The following KDM4C variants were observed in gnomAD, a reference collection of about 807,000 sequenced individuals.
KDM4C encodes lysine demethylase 4C.
A neutral mutation model predicts 129.3 loss-of-function variants in KDM4C; 81 were observed. The ratio of observed to expected loss-of-function variants is 0.63; its 90% CI spans 0.52 to 0.75. The LOEUF (loss-of-function observed/expected upper bound fraction) is 0.75. KDM4C is among the 30% of genes least tolerant of loss of function. The pLI is 0.00. For missense variants in KDM4C, 1,457 were observed against 1,304.0 expected, an observed-to-expected ratio of 1.12 and a Z score of -1.81; for synonymous variants, 573 against 456.1, an observed-to-expected ratio of 1.26 and a Z score of -3.26.
At chr9:6,992,312 T>A (rs1818900542) in intron 12 of KDM4C, among the ~76,000 whole-genome samples, 1 of 152,218 alleles carries the variant, frequency 6.6e-6, no homozygotes, top group East Asian at 1.9e-4. Context: ...TGGAAAGCAG[T>A]TCTGATTTCA....
chr9:6,803,846 A>G (rs995723446), intron 2 of KDM4C, among the ~76,000 whole-genome samples: 1 of 151,792 alleles, frequency 6.6e-6, no homozygotes, highest in Admixed American at 6.6e-5. Context: ...TTATTTGTTT[A>G]TGAGATGGAC....
intron 15 of KDM4C, among the ~76,000 whole-genome samples, chr9:7,024,904 G>A (rs976484935): frequency 4.6e-5 from 7 of 152,116 alleles, no homozygotes; most frequent in Admixed American, 1.3e-4. Flanking sequence ...CTGAGGAATC[G>A]CCACACCAAC....
chr9:6,967,096 C>G (rs1048099030), intron 8 of KDM4C, among the ~76,000 whole-genome samples: 14 of 152,050 alleles, frequency 9.2e-5, no homozygotes, highest in Non-Finnish European at 1.8e-4. Context: ...CATGAAGTGA[C>G]TAAAGCATCT....
chr9:6,771,033 C>G (rs1821714291), intron 1 of KDM4C, among the ~76,000 whole-genome samples: 1 of 149,108 alleles, frequency 6.7e-6, no homozygotes, highest in Non-Finnish European at 1.5e-5. Flanking sequence ...CTTGGCCTCC[C>G]AAAGTGCTGG....
At chr9:6,733,766 G>C (rs1033085803) in intron 1 of KDM4C, among the ~76,000 whole-genome samples, 1 of 152,208 alleles carries the variant, frequency 6.6e-6, no homozygotes, top group Admixed American at 6.5e-5. Flanking sequence ...CCCAAGGGCT[G>C]CTGGTTGTCT....
chr9:6,828,099 G>T (rs1034881939), intron 4 of KDM4C, among the ~76,000 whole-genome samples: 9 of 152,166 alleles, frequency 5.9e-5, no homozygotes, highest in Admixed American at 5.2e-4. Context: ...GGTGCAAGTA[G>T]GAAGGTTAGG....
chr9:6,956,885 A>G (rs956398210), intron 8 of KDM4C, among the ~76,000 whole-genome samples: 5 of 152,104 alleles, frequency 3.3e-5, no homozygotes, highest in African/African-American at 9.7e-5. Context: ...GGAGCGCTAT[A>G]GTTTCTGGTA....
intron 15 of KDM4C, among the ~76,000 whole-genome samples, chr9:7,046,201 A>G (rs1829364634): frequency 6.6e-6 from 1 of 151,976 alleles, no homozygotes; most frequent in South Asian, 2.1e-4. Context: ...AGAAAATTAC[A>G]TTCTAAGCTA....
At position 6,945,697 on chromosome 9, in the gene KDM4C, A is replaced by G. The variant is rs1379835761; in HGVS notation, c.922-35228A>G. On this transcript the variant is annotated intron_variant, in intron 8 of 21. Transcript: ENST00000381309. ...TATCATTTAAAACCAGGATTTTACT[A>G]CATATAGACAATAGTAACTGATTGA... Among the ~76,000 whole-genome samples the G allele has an allele frequency of 2.6e-5, 4 of 152,316 alleles. No homozygotes were observed. In the East Asian group the frequency reaches 5.8e-4, roughly 22 times the overall value.
chr9:6,997,736 G>C (rs1165779579), intron 12 of KDM4C, among the ~76,000 whole-genome samples: 1 of 152,164 alleles, frequency 6.6e-6, no homozygotes, highest in African/African-American at 2.4e-5. Flanking sequence ...TGTGAGGCTT[G>C]GTCATGAATG....
chr9:6,781,490 A>G (rs958659403), intron 1 of KDM4C, among the ~76,000 whole-genome samples: 1 of 152,152 alleles, frequency 6.6e-6, no homozygotes, highest in Non-Finnish European at 1.5e-5. Context: ...CTTATGTAAC[A>G]TGAATTTTTG....
chr9:6,741,641 G>T (rs984407961), intron 1 of KDM4C, among the ~76,000 whole-genome samples: 23 of 142,454 alleles, frequency 1.6e-4, no homozygotes, highest in African/African-American at 5.7e-4. Flanking sequence ...CTTTATTCCT[G>T]AAGAATATTT....
intron 1 of KDM4C, among the ~76,000 whole-genome samples, chr9:6,747,520 C>G (rs1817922035): frequency 7.5e-6 from 1 of 132,636 alleles, no homozygotes; most frequent in Non-Finnish European, 1.5e-5. Context: ...TGCACTCCAA[C>G]CTGGATGACA....
At chr9:6,971,042 C>CT (rs936304136) in intron 8 of KDM4C, among the ~76,000 whole-genome samples, 7 of 151,860 alleles carry the variant, frequency 4.6e-5, no homozygotes, top group East Asian at 3.9e-4. Context: ...CAGCGCATTC[C>CT]TTTTTTTTAA....
At chr9:7,157,012 G>A (rs973840891) in intron 19 of KDM4C, among the ~76,000 whole-genome samples, 29 of 152,120 alleles carry the variant, frequency 1.9e-4, no homozygotes, top group Non-Finnish European at 3.7e-4. Flanking sequence ...ATTTGTTTGC[G>A]TCCTCTTTTA....
At chr9:6,781,003 C>G (rs988477116) in intron 1 of KDM4C, among the ~76,000 whole-genome samples, 7 of 151,976 alleles carry the variant, frequency 4.6e-5, no homozygotes, top group Non-Finnish European at 8.8e-5. Flanking sequence ...CTTTCCTTCT[C>G]TCATTTTCTG....
chr9:7,032,362 C>A (rs1323439585), intron 15 of KDM4C, among the ~76,000 whole-genome samples: 2 of 152,144 alleles, frequency 1.3e-5, no homozygotes, highest in Non-Finnish European at 2.9e-5. Context: ...AGAACACAAC[C>A]TTTATTACCC....
chr9:6,945,841 C>T (rs1219049774), intron 8 of KDM4C, among the ~76,000 whole-genome samples: 2 of 152,018 alleles, frequency 1.3e-5, no homozygotes, highest in East Asian at 3.9e-4. Context: ...TAAACTTTTC[C>T]TGGTCATGGA....
chr9:6,906,309 C>A (rs1818295128), intron 8 of KDM4C, among the ~76,000 whole-genome samples: 1 of 152,228 alleles, frequency 6.6e-6, no homozygotes, highest in African/African-American at 2.4e-5. Context: ...AATGGTACTT[C>A]TCGTTTGTGG....
Sources: allele counts gnomAD v4.1 joint callset (sites outside exome capture counted in the v4.1 genomes callset), GRCh38; gene constraint gnomAD v4.1.1; transcripts MANE v1.5; gene names NCBI Gene and HGNC (gene_info 2026-07-23, HGNC 2026-07-21).